The following C2orf72 variants were observed in gnomAD, a reference collection of about 807,000 sequenced individuals.
The protein encoded by C2orf72 is uncharacterized protein C2orf72.
C2orf72 carries 16 observed loss-of-function variants against 14.4 expected under a neutral mutation model. The ratio of observed to expected loss-of-function variants is 1.11; its 90% CI spans 0.75 to 1.69. The LOEUF (loss-of-function observed/expected upper bound fraction) is 1.69. Among genes scored for constraint, C2orf72 ranks in the 40% most tolerant of loss-of-function variants. The pLI, the probability that C2orf72 is intolerant of heterozygous loss-of-function variation, is 0.00. For missense variants in C2orf72, 371 were observed against 358.3 expected, an observed-to-expected ratio of 1.04 and a Z score of -0.29; for synonymous variants, 168 against 176.8, an observed-to-expected ratio of 0.95 and a Z score of 0.40.
In C2orf72 at chr2:231,041,388, G is replaced by A; in HGVS notation, c.727G>A (p.Ala243Thr). The A allele has an allele frequency of 6.4e-7, 1 of 1,551,420 alleles. No homozygotes were observed. The highest frequency in any genetic ancestry group is 1.4e-5 in the African/African-American group (1 of 73,164). Residue 243 changes from alanine to threonine, a missense_variant, in exon 2 of 3, where the codon GCC becomes ACC. By Grantham distance (58) the Ala-to-Thr change is moderately conservative. Coordinates refer to ENST00000373640, the MANE Select transcript of C2orf72 (RefSeq NM_001144994.2). Reference sequence around the variant, plus strand: ...CCGGAGGAAGAACCAGGATGTTGCTGCCTGCAGAAGCTCAGCTCAGGGTGA... The same window carrying A: ...CCGGAGGAAGAACCAGGATGTTGCTACCTGCAGAAGCTCAGCTCAGGGTGA... ...WSRRKNQDVA[A>T]CRSSAQEDFQ...
Position 231,037,984 on chromosome 2 carries a change from C to T in C2orf72, c.419C>T (p.Ala140Val), listed in dbSNP as rs1252754790. ...GTGCGCGGCCGGCGGCGGGCCGGGG[C>T]GGCGCTGGTCGGGGTGCTGGTGGCC... ...RDVRGRRRAGAALVGVLVAEA... is the reference protein window; with the variant it reads ...RDVRGRRRAGVALVGVLVAEA... The change falls in exon 1 of 3, where the codon GCG (alanine) becomes GTG (valine). Residue 140 changes from alanine (A) to valine (V), a missense_variant. By Grantham distance (64) the Ala-to-Val change is moderately conservative. Transcript: ENST00000373640. 3 of 1,028,984 alleles carry T rather than the reference C, an allele frequency of 2.9e-6. No homozygotes were observed. The highest frequency in any genetic ancestry group is 9.4e-5 in the East Asian group (1 of 10,634). 63.7% of individuals were successfully genotyped at this position (1,028,984 alleles called of 1,614,324 possible).
intron 2 of C2orf72, among the ~76,000 whole-genome samples, chr2:231,042,023 A>G (rs1693349575): frequency 6.6e-6 from 1 of 151,976 alleles, no homozygotes; most frequent in Non-Finnish European, 1.5e-5. Flanking sequence ...GTGTTTAGAG[A>G]GATGGACTCT....
At chr2:231,046,784 T>C (rs1008140468) in intron 2 of C2orf72, 98 bp from the exon 3 acceptor site, 2 of 1,237,784 alleles carry the variant, frequency 1.6e-6, no homozygotes, top group Admixed American at 2.8e-5. Flanking sequence ...GTTTTTTAAG[T>C]AGGTATTTGC....
chr2:231,037,847 G>C lies in C2orf72; in HGVS notation c.282G>C (p.Ala94=). 3.1e-6 allele frequency: 3 copies of C among 979,122 alleles called. No individual in the cohort carries two copies. The highest frequency in any genetic ancestry group is 3.6e-6 in the Non-Finnish European group (3 of 827,340). 60.7% of individuals were successfully genotyped at this position (979,122 alleles called of 1,614,324 possible). ...CGAGGGCGGCTGGGGCGGCGGGGGCGGCGGCGGCGGCGGCGCGCGCCATCC... is the reference window on the plus strand; with the variant it reads ...CGAGGGCGGCTGGGGCGGCGGGGGCCGCGGCGGCGGCGGCGCGCGCCATCC... ...RAARAAGAAG[A]AAAAARAIRS... Residue 94 remains alanine (A), a synonymous_variant, in exon 1 of 3, where the codon GCG becomes GCC. Coordinates refer to ENST00000373640, the MANE Select transcript of C2orf72 (RefSeq NM_001144994.2).
rs1268601581 is a variant in C2orf72, at chr2:231,038,067, C to G, written c.502C>G (p.Arg168Gly). Residue 168 changes from arginine (R) to glycine (G), a missense_variant, in exon 1 of 3, where the codon CGC (arginine) becomes GGC (glycine). By Grantham distance (125) the Arg-to-Gly change is moderately radical. Around this residue, in one of 3 missense-constraint regions of C2orf72, gnomAD observed 12 missense variants for 30.2 expected, o/e 0.40. Transcript: ENST00000373640. Reference protein sequence around the residue: ...PGLRLLEALLRAVFGRQAGGP... With the variant: ...PGLRLLEALLGAVFGRQAGGP... ...GCTGCGGCTGCTGGAGGCGCTGTTG[C>G]GCGCCGTGTTCGGCCGCCAGGCGGG... 2 of 1,127,196 alleles carry G rather than the reference C, an allele frequency of 1.8e-6. No homozygotes were observed. Among genetic ancestry groups the G allele is most frequent in the African/African-American group, 1.7e-5 (1 of 60,588 alleles). 69.8% of individuals were successfully genotyped at this position (1,127,196 alleles called of 1,614,324 possible).
At chr2:231,044,186 C>T (rs1444913869) in intron 2 of C2orf72, among the ~76,000 whole-genome samples, 1 of 152,072 alleles carries the variant, frequency 6.6e-6, no homozygotes, top group Non-Finnish European at 1.5e-5. Context: ...GGTGAGTCAG[C>T]GAGTGAGTGG....
rs990731091 is a variant in C2orf72, at chr2:231,048,981, TTA to T, written c.*1963_*1964del. Reference sequence around the variant, plus strand: ...GTTTGGAATTTGCCTAAGGCAGAAGTTATAAGGCTTCATAACCTTTTGTATGT... The same window carrying T: ...GTTTGGAATTTGCCTAAGGCAGAAGTTAAGGCTTCATAACCTTTTGTATGT... On this transcript the variant is annotated 3_prime_UTR_variant, in exon 3 of 3. Transcript: ENST00000373640. 1.1e-4 allele frequency: 16 copies of T among 152,226 alleles called. No individual in the cohort carries two copies. The highest frequency in any genetic ancestry group is 1.0e-3 in the Admixed American group (16 of 15,282). 9.4% of individuals were successfully genotyped at this position (152,226 alleles called of 1,614,324 possible).
intron 2 of C2orf72, among the ~76,000 whole-genome samples, chr2:231,044,739 G>C (rs1262303775): frequency 7.1e-6 from 1 of 139,940 alleles, no homozygotes; most frequent in Non-Finnish European, 1.5e-5. Flanking sequence ...TACACACAAG[G>C]TCAGGATCAT....
chr2:231,044,978 T>C (rs1294871221), intron 2 of C2orf72, among the ~76,000 whole-genome samples: 2 of 146,062 alleles, frequency 1.4e-5, no homozygotes, highest in Admixed American at 6.8e-5. Context: ...CACACACACA[T>C]ATAAGTAGAG....
At chr2:231,040,881 C>G (rs193184822) in intron 1 of C2orf72, among the ~76,000 whole-genome samples, 6 of 149,328 alleles carry the variant, frequency 4.0e-5, no homozygotes, top group Admixed American at 6.7e-5. Context: ...ATAAAATAAA[C>G]AACCTAGTTC....
chr2:231,039,360 C>A (rs1406273756), intron 1 of C2orf72, among the ~76,000 whole-genome samples: 1 of 150,256 alleles, frequency 6.7e-6, no homozygotes, highest in Admixed American at 6.7e-5. Context: ...ATCTGGCAAA[C>A]CCGGGAGATC....
Position 231,047,275 on chromosome 2 carries a change from C to T in C2orf72, c.*254C>T, listed in dbSNP as rs187215781. The T allele has an allele frequency of 3.0e-5, 17 of 562,146 alleles. No homozygotes were observed. In the East Asian group the frequency reaches 3.6e-4, roughly 12 times the overall value. The allele number at this position is 562,146 out of a possible 1,614,324, so 34.8% of individuals were successfully genotyped here. On this transcript the variant is annotated 3_prime_UTR_variant, in exon 3 of 3. Coordinates refer to ENST00000373640, the MANE Select transcript of C2orf72 (RefSeq NM_001144994.2). ...GGGAGGTTATTTTGTCTCTCTGTCTCGGTTTCTCTGAGCCACTGAGACAGA... is the reference window on the plus strand; with the variant it reads ...GGGAGGTTATTTTGTCTCTCTGTCTTGGTTTCTCTGAGCCACTGAGACAGA...
intron 2 of C2orf72, among the ~76,000 whole-genome samples, chr2:231,043,949 C>G (rs1353119288): frequency 6.6e-6 from 1 of 152,190 alleles, no homozygotes; most frequent in Admixed American, 6.5e-5. Context: ...CTACTACATG[C>G]CTATGCTATG....
intron 2 of C2orf72, 148 bp from the exon 3 acceptor site, chr2:231,046,734 G>A (rs898220085): frequency 4.1e-6 from 3 of 739,596 alleles, no homozygotes; most frequent in Middle Eastern, 3.7e-4. Context: ...GGGTCAAAGG[G>A]TGTGTACATC....
At chr2:231,046,470 A>G (rs1193827425) in intron 2 of C2orf72, among the ~76,000 whole-genome samples, 1 of 152,212 alleles carries the variant, frequency 6.6e-6, no homozygotes, top group African/African-American at 2.4e-5. Flanking sequence ...TAAAGATACC[A>G]TGACACACAT....
intron 2 of C2orf72, among the ~76,000 whole-genome samples, chr2:231,041,814 G>A (rs774664102): frequency 2.4e-4 from 37 of 152,088 alleles, no homozygotes; most frequent in Admixed American, 1.8e-3. Context: ...TTTGGAAAAG[G>A]AGCACTGAGC....
rs112688531 is a variant in C2orf72 at position 231,041,399 on chromosome 2, C to T, written c.738C>T (p.Ser246=). The T allele has an allele frequency of 3.9e-6, 6 of 1,551,052 alleles. No individual in the cohort carries two copies. Among genetic ancestry groups the T allele is most frequent in the Admixed American group, 2.0e-5 (1 of 51,006 alleles). ...ACCAGGATGTTGCTGCCTGCAGAAG[C>T]TCAGCTCAGGGTGAGTGCTCCCCGA... The part of the protein sequence containing the change: ...RKNQDVAACR[S]SAQEDFQEPE... Residue 246 remains serine, a synonymous_variant, in exon 2 of 3, where the codon AGC becomes AGT. Coordinates refer to ENST00000373640, the MANE Select transcript of C2orf72 (RefSeq NM_001144994.2).
chr2:231,039,804 G>T (rs1023483020), intron 1 of C2orf72, among the ~76,000 whole-genome samples: 1 of 151,172 alleles, frequency 6.6e-6, no homozygotes, highest in Non-Finnish European at 1.5e-5. Flanking sequence ...GTGCAATGAT[G>T]CGATCTCTGC....
chr2:231,045,936 A>G (rs1693409663), intron 2 of C2orf72, among the ~76,000 whole-genome samples: 1 of 152,228 alleles, frequency 6.6e-6, no homozygotes, highest in Non-Finnish European at 1.5e-5. Flanking sequence ...CATCAATAAC[A>G]TACTATAACT....
Sources: gnomAD v4.1 joint callset for allele counts (sites outside exome capture counted in the v4.1 genomes callset) on GRCh38, gnomAD v4.1.1 for gene constraint, gnomAD v4.1.1 regional missense constraint, MANE v1.5 for transcripts, NCBI Gene and HGNC (gene_info 2026-07-23, HGNC 2026-07-21) for gene names.